NOSTRIN: variants seen among roughly 807,000 people sequenced by gnomAD.
NOSTRIN encodes the protein BM247 homolog.
Under a neutral mutation model 59.0 loss-of-function variants are expected in NOSTRIN, and 63 were observed. That is an observed-to-expected ratio of 1.07 (90% CI 0.87 to 1.32). The LOEUF is 1.32. NOSTRIN is among the 40% of genes most tolerant of loss of function. The pLI, the probability that NOSTRIN is intolerant of heterozygous loss-of-function variation, is 0.00. For missense variants in NOSTRIN, 512 were observed against 473.1 expected (o/e 1.08, Z -0.76); for synonymous variants, 200 against 165.4 (o/e 1.21, Z -1.61).
At chr2:168,832,820 C>T (rs1687441405) in intron 6 of NOSTRIN, among the ~76,000 whole-genome samples, 1 of 152,130 alleles carries the variant, frequency 6.6e-6, no homozygotes, top group Non-Finnish European at 1.5e-5. Flanking sequence ...CAGGGTCTTG[C>T]TATGTTGCCC....
intron 3 of NOSTRIN, among the ~76,000 whole-genome samples, chr2:168,825,281 A>G (rs370361334): frequency 1.3e-5 from 2 of 152,202 alleles, no homozygotes; most frequent in East Asian, 3.8e-4. Flanking sequence ...AGAAAGTTCA[A>G]GATACTTCCC....
chr2:168,795,234 G>A (rs1398728053), upstream of NOSTRIN, among the ~76,000 whole-genome samples: 1 of 145,872 alleles, frequency 6.9e-6, no homozygotes, highest in African/African-American at 2.5e-5. Flanking sequence ...GTGCCCTGGA[G>A]ACTAAAACGA....
At chr2:168,804,359 G>A (rs938585080) in intron 1 of NOSTRIN, among the ~76,000 whole-genome samples, 5 of 152,148 alleles carry the variant, frequency 3.3e-5, no homozygotes, top group African/African-American at 1.2e-4. Context: ...AAGTATCCGG[G>A]AGTCATGGGG....
In NOSTRIN at chr2:168,859,498, T is replaced by C; in HGVS notation, c.1054-14T>C. On this transcript the variant is annotated splice_polypyrimidine_tract_variant and intron_variant, in intron 12 of 15. Transcript: ENST00000317647. ...CTAGAAATTTGCTCACATGGCCAAA[T>C]GATGTATCCACAGAACAATTTGAAA... 1 of 1,611,148 alleles carries C rather than the reference T, an allele frequency of 6.2e-7. No individual in the cohort carries two copies. The highest frequency in any genetic ancestry group is 1.7e-5 in the Admixed American group (1 of 59,482).
intron 11 of NOSTRIN, chr2:168,855,852 T>C (rs1476737908): frequency 1.1e-5 from 5 of 449,164 alleles, no homozygotes; most frequent in Non-Finnish European, 2.2e-5. Context: ...TTTGAAACAA[T>C]GTAAAAACCT....
At chr2:168,808,592 A>G (rs1201993263) in intron 1 of NOSTRIN, among the ~76,000 whole-genome samples, 1 of 152,208 alleles carries the variant, frequency 6.6e-6, no homozygotes, top group African/African-American at 2.4e-5. Flanking sequence ...GAAGTCAATA[A>G]GACAATACAT....
intron 1 of NOSTRIN, among the ~76,000 whole-genome samples, chr2:168,807,458 A>G (rs1272182862): frequency 2.6e-5 from 4 of 152,198 alleles, no homozygotes; most frequent in Non-Finnish European, 4.4e-5. Flanking sequence ...CAAATCTTTT[A>G]TTTATTGATG....
intron 6 of NOSTRIN, among the ~76,000 whole-genome samples, chr2:168,831,811 C>G (rs541292559): frequency 4.9e-4 from 74 of 152,252 alleles, no homozygotes; most frequent in African/African-American, 1.7e-3. Flanking sequence ...TGTCATTGTG[C>G]ATTGCCCCAT....
chr2:168,850,931 A>G (rs1188403077), intron 8 of NOSTRIN, 153 bp from the exon 9 acceptor site: 2 of 803,072 alleles, frequency 2.5e-6, no homozygotes. Context: ...TCCTTCCTGG[A>G]AATCTCCCTC....
At chr2:168,850,977 A>G (rs1688731144) in intron 8 of NOSTRIN, 107 bp from the exon 9 acceptor site, 2 of 854,088 alleles carry the variant, frequency 2.3e-6, no homozygotes, top group Non-Finnish European at 4.0e-6. Flanking sequence ...CAAGAGGCTA[A>G]TCATGAGACT....
At chr2:168,800,910 T>TTAAAA (rs147074957), upstream of NOSTRIN, among the ~76,000 whole-genome samples, 61 of 137,948 alleles carry the variant, frequency 4.4e-4, no homozygotes, top group African/African-American at 1.6e-3. Context: ...AAATTTCTTT[T>TTAAAA]AAAAAAAAAA....
At chr2:168,804,694 A>C (rs1285594792) in intron 1 of NOSTRIN, among the ~76,000 whole-genome samples, 1 of 152,154 alleles carries the variant, frequency 6.6e-6, no homozygotes, top group Non-Finnish European at 1.5e-5. Flanking sequence ...TAGCTTAGCT[A>C]CTGTTCTTAA....
At position 168,859,568 on chromosome 2, in the gene NOSTRIN, A is replaced by C; in HGVS notation, c.1110A>C (p.Leu370Phe). 6.2e-7 allele frequency: 1 copy of C among 1,614,188 alleles called. No homozygotes were observed. Among genetic ancestry groups the C allele is most frequent in the East Asian group, 2.2e-5 (1 of 44,876 alleles). ...ACTCCTACAAACTGTCATCAATGTT[A>C]GCAGAACTTGAGCAAAGACCTCAAC... Reference protein sequence around the residue: ...EANSYKLSSMLAELEQRPQPS... With the variant: ...EANSYKLSSMFAELEQRPQPS... The change falls in exon 13 of 16, where the codon TTA becomes TTC. Residue 370 changes from leucine to phenylalanine, a missense_variant. By Grantham distance (22) the Leu-to-Phe change is conservative (BLOSUM62 0). Transcript: ENST00000317647.
At chr2:168,842,821 T>C (rs78051255) in intron 7 of NOSTRIN, among the ~76,000 whole-genome samples, 171 bp from the exon 8 acceptor site, 15,972 of 152,300 alleles carry the variant, frequency 0.1, 1,126 homozygotes, top group Non-Finnish European at 0.16. Context: ...GGTTTGGCCA[T>C]GCCTTTTTTT....
chr2:168,807,495 G>T (rs563357053), intron 1 of NOSTRIN, among the ~76,000 whole-genome samples: 5 of 152,306 alleles, frequency 3.3e-5, no homozygotes, highest in Admixed American at 1.3e-4. Context: ...CTGGATCAAG[G>T]TTTGTTGGGG....
At chr2:168,813,099 G>A (rs1203707937) in intron 2 of NOSTRIN, among the ~76,000 whole-genome samples, 1 of 152,248 alleles carries the variant, frequency 6.6e-6, no homozygotes, top group South Asian at 2.1e-4. Context: ...CCATCTGAGA[G>A]GGAATTTCTT....
Position 168,855,465 on chromosome 2 carries a change from G to A in NOSTRIN, c.964+5G>A, listed in dbSNP as rs1193636455. 9.7e-6 allele frequency: 15 copies of A among 1,541,400 alleles called. No individual in the cohort carries two copies. The highest frequency in any genetic ancestry group is 1.3e-5 in the Non-Finnish European group (14 of 1,117,334). ...AAGCCTCAAAAGACAAGGAAGGTGT[G>A]TAACCATCTCTTTGAATGGCCAGAA... On this transcript the variant is annotated splice_donor_5th_base_variant and intron_variant, in intron 11 of 15. Transcript: ENST00000317647.
chr2:168,824,865 C>A (rs1686970228), intron 3 of NOSTRIN, 148 bp downstream of exon 3: 3 of 600,090 alleles, frequency 5.0e-6, no homozygotes, highest in Non-Finnish European at 6.2e-6. Flanking sequence ...CACCCTCAAT[C>A]CCCCAGGCTC....
At chr2:168,791,086 C>T (rs1011340909) in intron 2 of NOSTRIN, among the ~76,000 whole-genome samples, 1 of 152,066 alleles carries the variant, frequency 6.6e-6, no homozygotes, top group African/African-American at 2.4e-5. Context: ...TGGTGTGCTG[C>T]ACCCATTAAC....
Sources: allele counts gnomAD v4.1 joint callset (sites outside exome capture counted in the v4.1 genomes callset), GRCh38; gene constraint gnomAD v4.1.1; transcripts MANE v1.5; gene names NCBI Gene and HGNC (gene_info 2026-07-23, HGNC 2026-07-21).